Variants in PDE1C observed in about 807,000 individuals in gnomAD.
PDE1C encodes dual specificity calcium/calmodulin-dependent 3',5'-cyclic nucleotide phosphodiesterase 1C.
PDE1C carries 62 observed loss-of-function variants against 93.1 expected under a neutral mutation model. The observed-to-expected ratio is 0.67, with a 90% CI of 0.54 to 0.82. The LOEUF (loss-of-function observed/expected upper bound fraction) is 0.82. Among genes scored for constraint, PDE1C ranks in the 40% least tolerant of loss-of-function variants. The probability of loss-of-function intolerance (pLI) is 0.00; values close to 1 mark genes in which losing one functional copy is unlikely to be tolerated. For missense variants in PDE1C, 742 were observed against 884.6 expected, an observed-to-expected ratio of 0.84 and a Z score of 2.04; for synonymous variants, 325 against 310.1, an observed-to-expected ratio of 1.05 and a Z score of -0.50.
chr7:32,015,337 A>G (rs1269305363), intron 2 of PDE1C, among the ~76,000 whole-genome samples: 1 of 151,932 alleles, frequency 6.6e-6, no homozygotes, highest in African/African-American at 2.4e-5. Flanking sequence ...GCTGAAAACC[A>G]TACAACTGGG....
chr7:31,639,232 T>G, the PDE1C span, among the ~76,000 whole-genome samples: 1 of 152,232 alleles, frequency 6.6e-6, no homozygotes, highest in Non-Finnish European at 1.5e-5. Flanking sequence ...CTGAGGCTAC[T>G]TGGACTTGTC....
rs76072053 is a variant in PDE1C, at chr7:31,957,336, C to T, written c.129-76476G>A. 2.7e-3 allele frequency among the ~76,000 whole-genome samples: 414 copies of T among 152,148 alleles called. 4 individuals are homozygous for T. Among genetic ancestry groups the T allele is most frequent in the African/African-American group, 9.4e-3 (390 of 41,492 alleles). On this transcript the variant is annotated intron_variant, in intron 2 of 17. Transcript: ENST00000396191. ...TCAGGCACAAATATAAACCCTTTCG[C>T]TGTAACCCTGGCATCACCCAATTCC... is the stretch of plus-strand genomic sequence containing the variant.
chr7:32,105,469 CTAGA>C (rs1329891271), intron 3 of PDE1C, among the ~76,000 whole-genome samples: 1 of 152,090 alleles, frequency 6.6e-6, no homozygotes, highest in African/African-American at 2.4e-5. Context: ...CCTATTCCAC[CTAGA>C]TAGACAATTT....
chr7:32,170,031 G>A, intron 2 of PDE1C: 2 of 1,309,396 alleles, frequency 1.5e-6, no homozygotes, highest in Non-Finnish European at 2.2e-6. Flanking sequence ...CCCCAACTCA[G>A]GATCTTCCAA....
rs558699456 is a variant in PDE1C, at chr7:31,985,144, G to A, written c.128+66410C>T. ...TACCATGAAAGGTTTATCAGCGCAC[G>A]GACAAGGGCCAAGAGTAGACTAGTA... On this transcript the variant is annotated intron_variant, in intron 2 of 17. Transcript: ENST00000396191. Among the ~76,000 whole-genome samples the A allele has an allele frequency of 1.9e-3, 295 of 152,226 alleles. 4 individuals carry two copies. The highest frequency in any genetic ancestry group is 0.018 in the Admixed American group (268 of 15,292).
chr7:32,390,589 A>G (rs939189349), intron 1 of PDE1C, among the ~76,000 whole-genome samples: 2 of 151,246 alleles, frequency 1.3e-5, no homozygotes, highest in East Asian at 3.9e-4. Context: ...GTTCATCCCT[A>G]TAATCCCAGC....
chr7:32,096,840 T>TAGATAGAC (rs1469568807), intron 3 of PDE1C, among the ~76,000 whole-genome samples: 22 of 150,868 alleles, frequency 1.5e-4, no homozygotes, highest in Non-Finnish European at 3.1e-4. Flanking sequence ...GATAGATAGA[T>TAGATAGAC]AGATAGATAG....
intron 6 of PDE1C, among the ~76,000 whole-genome samples, chr7:31,866,868 G>A (rs1373225897): frequency 6.6e-6 from 1 of 151,964 alleles, no homozygotes; most frequent in Non-Finnish European, 1.5e-5. Context: ...CTAGCCACCA[G>A]AAAGCCCCTA....
intron 2 of PDE1C, among the ~76,000 whole-genome samples, chr7:32,183,581 G>A (rs1439650602): frequency 2.0e-5 from 3 of 152,182 alleles, no homozygotes; most frequent in Non-Finnish European, 4.4e-5. Flanking sequence ...ATGGTGCTGG[G>A]AAAACGGGCT....
chr7:31,777,392 G>T (rs183001763), intron 16 of PDE1C, among the ~76,000 whole-genome samples: 30 of 152,102 alleles, frequency 2.0e-4, no homozygotes, highest in African/African-American at 7.2e-4. Context: ...GCAGTGATGC[G>T]ATCTCGACTC....
chr7:32,155,267 T>A (rs1423162887), intron 3 of PDE1C, among the ~76,000 whole-genome samples: 1 of 152,234 alleles, frequency 6.6e-6, no homozygotes, highest in Non-Finnish European at 1.5e-5. Context: ...GGATCTTGAA[T>A]ATGTTCATGT....
chr7:31,815,656 G>C (rs974874449), intron 15 of PDE1C, among the ~76,000 whole-genome samples: 1 of 145,360 alleles, frequency 6.9e-6, no homozygotes, highest in Non-Finnish European at 1.5e-5. Flanking sequence ...TCCCCCAGCT[G>C]GCAGGCAGGC....
chr7:32,099,976 C>T (rs1176095607), intron 3 of PDE1C, among the ~76,000 whole-genome samples: 1 of 152,110 alleles, frequency 6.6e-6, no homozygotes, highest in East Asian at 1.9e-4. Flanking sequence ...AGTTGTTGTA[C>T]CTTCTACATC....
At chr7:31,855,935 T>C (rs1025297894) in intron 7 of PDE1C, among the ~76,000 whole-genome samples, 2 of 151,972 alleles carry the variant, frequency 1.3e-5, no homozygotes, top group African/African-American at 2.4e-5. Context: ...CTAATGAACA[T>C]CTATTCAATC....
At chr7:32,255,163 T>G (rs534860656) in intron 1 of PDE1C, among the ~76,000 whole-genome samples, 1 of 152,296 alleles carries the variant, frequency 6.6e-6, no homozygotes, top group Admixed American at 6.5e-5. Flanking sequence ...CCAGGGTGGC[T>G]GACGTCACTT....
the PDE1C span, among the ~76,000 whole-genome samples, chr7:31,693,675 T>C: frequency 4.7e-4 from 72 of 152,270 alleles, no homozygotes; most frequent in Non-Finnish European, 9.1e-4. Flanking sequence ...TCAGAAAAGA[T>C]GTAATAAATG....
chr7:31,768,547 G>T (rs1380215469), intron 17 of PDE1C, among the ~76,000 whole-genome samples: 2 of 152,124 alleles, frequency 1.3e-5, no homozygotes, highest in Admixed American at 1.3e-4. Context: ...GTGTTAAAAA[G>T]TTACAAAAAT....
At chr7:32,009,373 T>C (rs1363939586) in intron 2 of PDE1C, among the ~76,000 whole-genome samples, 2 of 152,108 alleles carry the variant, frequency 1.3e-5, no homozygotes, top group Non-Finnish European at 2.9e-5. Flanking sequence ...AAGAGCTACA[T>C]AAAGAGAGCT....
At chr7:32,062,406 C>A (rs1180979891) in intron 1 of PDE1C, among the ~76,000 whole-genome samples, 1 of 152,236 alleles carries the variant, frequency 6.6e-6, no homozygotes, top group African/African-American at 2.4e-5. Context: ...CCAGTCTGCG[C>A]TGCAGCCACT....
Sources: allele counts gnomAD v4.1 joint callset (sites outside exome capture counted in the v4.1 genomes callset), GRCh38; gene constraint gnomAD v4.1.1; transcripts MANE v1.5; gene names NCBI Gene and HGNC (gene_info 2026-07-23, HGNC 2026-07-21).